Variants in PCGF3 observed in about 807,000 individuals in gnomAD.
PCGF3 encodes polycomb group ring finger 3.
PCGF3 carries 7 observed loss-of-function variants against 33.1 expected under a neutral mutation model. That is an observed-to-expected ratio of 0.21 (90% CI 0.12 to 0.40). The LOEUF is 0.40. Among genes scored for constraint, PCGF3 ranks in the 10% least tolerant of loss-of-function variants. The pLI is 1.00. For synonymous variants in PCGF3, 153 were observed against 121.3 expected, an observed-to-expected ratio of 1.26 and a Z score of -1.72; for missense variants, 211 against 313.3, an observed-to-expected ratio of 0.67 and a Z score of 2.46.
In PCGF3 at chr4:758,530, G is replaced by A. The variant is rs1296169055; in HGVS notation, c.463-2749G>A. On this transcript the variant is annotated intron_variant, in intron 8 of 10. Coordinates refer to ENST00000362003, the Ensembl canonical transcript of PCGF3. ...GGACTCTGGGTCTTTCTCCCCACGC[G>A]GCCCCTCTCCCGAGTTCTCCCTCCA... Among the ~76,000 whole-genome samples the A allele has an allele frequency of 8.8e-5, 11 of 125,306 alleles. 2 individuals are homozygous for A. Among genetic ancestry groups the A allele is most frequent in the East Asian group, 4.7e-4 (2 of 4,290 alleles). 82.2% of individuals were successfully genotyped at this position (125,306 alleles called of 152,430 possible).
At chr4:743,500 T>C in exon 7 of PCGF3, 1 of 1,612,984 alleles carries the variant, frequency 6.2e-7, no homozygotes, top group Non-Finnish European at 8.5e-7. Flanking sequence ...GAGGGAGTTC[T>C]ATCACAAATT....
At chr4:725,140 T>G (rs1262908430) in intron 1 of PCGF3, 1 of 152,398 alleles carries the variant, frequency 6.6e-6, no homozygotes, top group Admixed American at 6.5e-5. Context: ...TCCCACACTG[T>G]TCAGGTCACC....
intron 1 of PCGF3, among the ~76,000 whole-genome samples, chr4:709,919 T>G (rs750443991): frequency 2.6e-5 from 4 of 152,226 alleles, no homozygotes; most frequent in African/African-American, 7.2e-5. Context: ...TTTGCTCTTT[T>G]GACATATCCT....
chr4:749,976 AT>A (rs1254319061), intron 8 of PCGF3, among the ~76,000 whole-genome samples: 1 of 151,956 alleles, frequency 6.6e-6, no homozygotes, highest in African/African-American at 2.4e-5. Context: ...AACTTTTTTA[AT>A]TTTTTGTAGA....
chr4:736,568 C>T (rs1195373797), intron 5 of PCGF3, among the ~76,000 whole-genome samples: 2 of 119,314 alleles, frequency 1.7e-5, no homozygotes, highest in East Asian at 2.4e-4. Context: ...GGGACGGTGT[C>T]CCCTGAGCGC....
chr4:723,062 G>A (rs1400638233), intron 1 of PCGF3, among the ~76,000 whole-genome samples: 2 of 142,462 alleles, frequency 1.4e-5, no homozygotes, highest in African/African-American at 2.7e-5. Context: ...CATCCACGCC[G>A]GGTCCACACT....
At chr4:764,095 G>A (rs1450710409) in intron 9 of PCGF3, among the ~76,000 whole-genome samples, 1 of 152,090 alleles carries the variant, frequency 6.6e-6, no homozygotes, top group Non-Finnish European at 1.5e-5. Context: ...GCTGCTGTTT[G>A]TCCACCTGTG....
chr4:769,352 C>T (rs1204423431), exon 11 of PCGF3: 3 of 152,648 alleles, frequency 2.0e-5, no homozygotes, highest in Non-Finnish European at 4.4e-5. Context: ...CAACCTAGTC[C>T]CACGTTGTAC....
intron 8 of PCGF3, among the ~76,000 whole-genome samples, chr4:754,493 G>C (rs1744680447): frequency 6.6e-6 from 1 of 152,350 alleles, no homozygotes; most frequent in East Asian, 1.9e-4. Flanking sequence ...AGCCCCTGGA[G>C]GTAGAAGGGG....
At chr4:752,817 G>A (rs17721944) in intron 8 of PCGF3, among the ~76,000 whole-genome samples, 5,075 of 152,342 alleles carry the variant, frequency 0.033, 96 homozygotes, top group African/African-American at 0.042. Context: ...AGAGATTCCC[G>A]CCGCCTTCAG....
chr4:727,580 G>A (rs1307731479), intron 1 of PCGF3, among the ~76,000 whole-genome samples: 1 of 151,942 alleles, frequency 6.6e-6, no homozygotes, highest in Non-Finnish European at 1.5e-5. Context: ...CAATTATTTT[G>A]TCAAATGATT....
At position 764,850 on chromosome 4, in the gene PCGF3, C is replaced by G. The variant is rs78261751; in HGVS notation, c.601-134C>G. On this transcript the variant is annotated intron_variant, in intron 9 of 10. Coordinates refer to ENST00000362003, the Ensembl canonical transcript of PCGF3. Reference sequence around the variant, plus strand: ...GGGATGGAGGAATACATGAACCAGCCCCCCCCACCCCATCTCTAGGCACGT... The same window carrying G: ...GGGATGGAGGAATACATGAACCAGCGCCCCCCACCCCATCTCTAGGCACGT... 690 of 631,568 alleles carry G rather than the reference C, an allele frequency of 1.1e-3. 6 individuals carry two copies. The South Asian group carries it at 0.012, about 11-fold the overall frequency. The allele number at this position is 631,568 out of a possible 1,614,324, so 39.1% of individuals were successfully genotyped here.
chr4:712,741 C>A (rs539754414), intron 1 of PCGF3, among the ~76,000 whole-genome samples: 2 of 152,218 alleles, frequency 1.3e-5, no homozygotes, highest in Admixed American at 1.3e-4. Context: ...CCACCGCGCC[C>A]GGCCAATAAA....
chr4:730,990 G>C (rs1321734343), exon 3 of PCGF3: 1 of 398,610 alleles, frequency 2.5e-6, no homozygotes, highest in East Asian at 3.6e-5. Flanking sequence ...AAGAGCCAGG[G>C]CCGGAAGGAG....
chr4:722,044 G>A (rs539992378), intron 1 of PCGF3, among the ~76,000 whole-genome samples: 10 of 152,226 alleles, frequency 6.6e-5, no homozygotes, highest in South Asian at 2.1e-4. Flanking sequence ...AAACCGCATC[G>A]GAGCACATCG....
rs75163175 is a variant in PCGF3, at chr4:760,261, C to T, written c.463-1018C>T. Among the ~76,000 whole-genome samples the T allele has an allele frequency of 6.2e-4, 95 of 152,294 alleles. 1 individual carries two copies. In the East Asian group the frequency reaches 0.018, roughly 28 times the overall value. On this transcript the variant is annotated intron_variant, in intron 8 of 10. Coordinates refer to ENST00000362003, the Ensembl canonical transcript of PCGF3. ...GTCACTGTTTCTTAACACTTCCTTT[C>T]CTTTCTGTTCTTCCCTTTGGGGCTC...
chr4:761,760 AC>A lies in PCGF3; in HGVS notation c.600+347del, dbSNP rs976979392. On this transcript the variant is annotated intron_variant, in intron 9 of 10. Coordinates refer to ENST00000362003, the Ensembl canonical transcript of PCGF3. ...ACATGGGCGGATGCAGAGAGGGAGG[AC>A]CCTTCCAGGCTGTGGTGTGTAAGGA... is the stretch of plus-strand genomic sequence containing the variant. The A allele has an allele frequency of 1.2e-5, 12 of 985,260 alleles. No homozygotes were observed. In the Admixed American group the frequency reaches 5.5e-4, roughly 45 times the overall value. 61.0% of individuals were successfully genotyped at this position (985,260 alleles called of 1,614,324 possible).
chr4:727,233 C>CTTTTTTGTTTTTTTTTTTTTT (rs1743367648), intron 1 of PCGF3, among the ~76,000 whole-genome samples: 2 of 61,892 alleles, frequency 3.2e-5, no homozygotes, highest in Non-Finnish European at 5.8e-5. Flanking sequence ...TAGCGAGCGT[C>CTTTTTTGTTTTTTTTTTTTTT]TTTTTTTTTT....
chr4:761,550 C>A lies in PCGF3; in HGVS notation c.600+134C>A. ...TTTAACCAGAAAAAAATCCGTTTTG[C>A]CTGCTTCACCGGGGAGCGGGATAGG... On this transcript the variant is annotated intron_variant, in intron 9 of 10. Transcript: ENST00000362003. The A allele has an allele frequency of 2.2e-6, 3 of 1,388,544 alleles. No homozygotes were observed. The South Asian group carries it at 4.4e-5, about 21-fold the overall frequency. 86.0% of individuals were successfully genotyped at this position (1,388,544 alleles called of 1,614,324 possible). A position where few individuals can be genotyped will look rare whatever the true frequency, so the allele number is the denominator to read the frequency against.
Sources: gnomAD v4.1 joint callset for allele counts (sites outside exome capture counted in the v4.1 genomes callset) on GRCh38, gnomAD v4.1.1 for gene constraint, MANE v1.5 for transcripts, NCBI Gene and HGNC (gene_info 2026-07-23, HGNC 2026-07-21) for gene names.